The following DLG2 variants were observed in gnomAD, a reference collection of about 807,000 sequenced individuals.
The protein encoded by DLG2 is discs large MAGUK scaffold protein 2, also known as disks large homolog 2.
In DLG2, 45 loss-of-function variants were observed where a neutral mutation model predicts 132.5. The ratio of observed to expected loss-of-function variants is 0.34; its 90% confidence interval spans 0.27 to 0.44. The LOEUF is 0.44. DLG2 is among the 20% of genes least tolerant of loss of function. The pLI is 1.00. For missense variants in DLG2, 1,045 were observed against 1,196.9 expected (o/e 0.87, Z 1.87); for synonymous variants, 424 against 419.6 (o/e 1.01, Z -0.13).
At chr11:84,801,060 C>G (rs1037789382) in intron 6 of DLG2, among the ~76,000 whole-genome samples, 1 of 152,056 alleles carries the variant, frequency 6.6e-6, no homozygotes, top group South Asian at 2.1e-4. Context: ...TTATCTGCAC[C>G]AAGCATGAGG....
At position 84,237,219 on chromosome 11, in the gene DLG2, T is replaced by C. The variant is rs536164235; in HGVS notation, c.573+14019A>G. 4.6e-5 allele frequency among the ~76,000 whole-genome samples: 7 copies of C among 152,232 alleles called. No homozygotes were observed. The South Asian group carries it at 8.3e-4, about 18-fold the overall frequency. On this transcript the variant is annotated intron_variant, in intron 8 of 27. Transcript: ENST00000376104. Reference sequence around the variant, plus strand: ...CTGGGATTACAGGTGTGAGCCACTGTGCCCAGCCCAGCATCAGTATTTTTG... The same window carrying C: ...CTGGGATTACAGGTGTGAGCCACTGCGCCCAGCCCAGCATCAGTATTTTTG...
chr11:83,937,117 G>T (rs1026436730), intron 14 of DLG2, among the ~76,000 whole-genome samples: 1 of 152,066 alleles, frequency 6.6e-6, no homozygotes, highest in African/African-American at 2.4e-5. Context: ...TCTACAAAAT[G>T]TCAGGTTAGT....
At chr11:84,872,058 C>T (rs1458096550) in intron 6 of DLG2, among the ~76,000 whole-genome samples, 1 of 152,286 alleles carries the variant, frequency 6.6e-6, no homozygotes, top group Admixed American at 6.5e-5. Flanking sequence ...CTATCTAATT[C>T]CTCTGAAGGT....
intron 6 of DLG2, among the ~76,000 whole-genome samples, chr11:84,740,981 G>T (rs2064544217): frequency 2.6e-5 from 4 of 151,436 alleles, no homozygotes; most frequent in Non-Finnish European, 5.9e-5. Flanking sequence ...CCAAAATCAG[G>T]GCATGAGAAG....
intron 3 of DLG2, among the ~76,000 whole-genome samples, chr11:85,466,741 C>T (rs537151597): frequency 3.3e-4 from 50 of 152,176 alleles, no homozygotes; most frequent in African/African-American, 1.1e-3. Flanking sequence ...AGTCAGGTAG[C>T]GTGGTGCCTC....
chr11:84,218,794 A>G (rs531199066), intron 8 of DLG2, among the ~76,000 whole-genome samples: 1 of 152,324 alleles, frequency 6.6e-6, no homozygotes, highest in South Asian at 2.1e-4. Flanking sequence ...AGTTGGCATT[A>G]CTGACATTTA....
intron 3 of DLG2, among the ~76,000 whole-genome samples, chr11:85,324,038 C>A (rs1476813471): frequency 1.3e-5 from 2 of 152,120 alleles, no homozygotes; most frequent in Non-Finnish European, 2.9e-5. Context: ...AACTCCAATT[C>A]TCTCCTCTCA....
intron 6 of DLG2, among the ~76,000 whole-genome samples, chr11:84,581,912 C>CAAAA (rs780759635): frequency 1.5e-4 from 10 of 64,968 alleles, no homozygotes; most frequent in Admixed American, 2.0e-4. Flanking sequence ...TCTCAAAAAC[C>CAAAA]AAAAAAAAAA....
chr11:84,776,296 C>A (rs1471355893), intron 6 of DLG2, among the ~76,000 whole-genome samples: 1 of 152,042 alleles, frequency 6.6e-6, no homozygotes, highest in Non-Finnish European at 1.5e-5. Context: ...GGGCCACAGG[C>A]ACACACGACC....
chr11:83,772,902 C>T (rs910203719), intron 18 of DLG2, among the ~76,000 whole-genome samples: 5 of 152,102 alleles, frequency 3.3e-5, no homozygotes, highest in African/African-American at 1.2e-4. Context: ...AAATTGGGAT[C>T]AATGGAGACG....
chr11:83,911,735 T>C (rs2076090171), intron 15 of DLG2, among the ~76,000 whole-genome samples: 1 of 152,102 alleles, frequency 6.6e-6, no homozygotes, highest in African/African-American at 2.4e-5. Flanking sequence ...TGTTCTCTAA[T>C]AAGGCTAGCG....
chr11:83,929,399 T>A (rs920200829), intron 15 of DLG2, among the ~76,000 whole-genome samples: 7 of 152,214 alleles, frequency 4.6e-5, no homozygotes, highest in African/African-American at 1.4e-4. Flanking sequence ...TTGGGATCTC[T>A]GTTTAGACTG....
intron 7 of DLG2, among the ~76,000 whole-genome samples, chr11:84,417,003 C>T (rs1398833658): frequency 6.6e-6 from 1 of 152,124 alleles, no homozygotes; most frequent in Non-Finnish European, 1.5e-5. Context: ...AAAGTAGCCA[C>T]ACAAAAGCCT....
Position 84,973,951 on chromosome 11 carries a change from T to C in DLG2, c.357+137710A>G, listed in dbSNP as rs142025179. 3.2e-3 allele frequency among the ~76,000 whole-genome samples: 484 copies of C among 152,358 alleles called. 2 individuals are homozygous for C. Among genetic ancestry groups the C allele is most frequent in the African/African-American group, 0.011 (476 of 41,584 alleles). On this transcript the variant is annotated intron_variant, in intron 6 of 27. Transcript: ENST00000376104. The stretch of plus-strand genomic sequence containing the variant: ...AAGCCATTCTTAGCTTGCAGATTTA[T>C]AGAAGTTCAGCAAGCTGTATTTGGC...
chr11:84,260,195 G>A (rs1369517643), intron 7 of DLG2, among the ~76,000 whole-genome samples: 3 of 152,122 alleles, frequency 2.0e-5, no homozygotes, highest in Non-Finnish European at 2.9e-5. Flanking sequence ...AGCACAGAAA[G>A]TAGAGACCAG....
intron 7 of DLG2, among the ~76,000 whole-genome samples, chr11:84,351,893 A>G (rs1439295822): frequency 6.6e-6 from 1 of 152,196 alleles, no homozygotes; most frequent in African/African-American, 2.4e-5. Context: ...AAATATAGTC[A>G]TAGCTCTCAA....
chr11:84,872,442 A>G (rs1413681405), intron 6 of DLG2, among the ~76,000 whole-genome samples: 1 of 152,210 alleles, frequency 6.6e-6, no homozygotes, highest in Non-Finnish European at 1.5e-5. Flanking sequence ...CTTGCCCTTG[A>G]GGATCTTAAG....
intron 6 of DLG2, among the ~76,000 whole-genome samples, chr11:84,951,068 G>A (rs1238952336): frequency 6.6e-6 from 1 of 152,086 alleles, no homozygotes; most frequent in African/African-American, 2.4e-5. Context: ...CAATGAATAT[G>A]GCTTTCTGTT....
At chr11:84,504,920 C>T (rs1352496438) in intron 7 of DLG2, among the ~76,000 whole-genome samples, 16 of 152,062 alleles carry the variant, frequency 1.1e-4, no homozygotes, top group Non-Finnish European at 5.9e-5. Context: ...AACTTGCATA[C>T]AACTATATAT....
Sources: gnomAD v4.1 joint callset for allele counts (sites outside exome capture counted in the v4.1 genomes callset) on GRCh38, gnomAD v4.1.1 for gene constraint, MANE v1.5 for transcripts, NCBI Gene and HGNC (gene_info 2026-07-23, HGNC 2026-07-21) for gene names.